The following FIGNL2 variants were observed in gnomAD, a reference collection of about 807,000 sequenced individuals.
FIGNL2 encodes the protein fidgetin like 2.
For missense variants in FIGNL2, 1,060 were observed against 950.2 expected, an observed-to-expected ratio of 1.12 and a Z score of -1.52; for synonymous variants, 565 against 484.0, an observed-to-expected ratio of 1.17 and a Z score of -2.20.
In FIGNL2 at chr12:51,821,628, C is replaced by T. The variant is rs1230446347; in HGVS notation, c.786G>A (p.Gly262=). The change falls in exon 2 of 2, where the codon GGG becomes GGA. Residue 262 remains glycine (G), a synonymous_variant. Coordinates refer to ENST00000618634, the MANE Select transcript of FIGNL2 (RefSeq NM_001384995.1). The part of the protein sequence containing the change: ...FPTAAPGAES[G]LSLKRKAADE... The stretch of plus-strand genomic sequence containing the variant: ...CGGCGGCCTTGCGCTTCAGCGACAG[C>T]CCGGATTCGGCACCCGGCGCGGCCG... 2.0e-6 allele frequency: 3 copies of T among 1,487,964 alleles called. No individual in the cohort carries two copies. Among genetic ancestry groups the T allele is most frequent in the South Asian group, 2.5e-5 (2 of 79,650 alleles). The allele number at this position is 1,487,964 out of a possible 1,614,324, so 92.2% of individuals were successfully genotyped here.
At position 51,822,230 on chromosome 12, in the gene FIGNL2, G is replaced by A. The variant is rs1333727809; in HGVS notation, c.184C>T (p.Arg62Cys). 5.0e-6 allele frequency: 8 copies of A among 1,611,376 alleles called. No individual in the cohort carries two copies. Among genetic ancestry groups the A allele is most frequent in the Non-Finnish European group, 6.8e-6 (8 of 1,178,836 alleles). ...SALTASNLLK[R>C]YAEKYSGVLD... ...ACCCCAGAGTACTTCTCTGCATAGC[G>A]CTTTAGGAGGTTGGAGGCAGTGAGG... Residue 62 changes from arginine (R) to cysteine (C), a missense_variant, in exon 2 of 2, where the codon CGC becomes TGC. Physicochemically the swap from Arg to Cys is radical, Grantham distance 180. Transcript: ENST00000618634.
At position 51,821,250 on chromosome 12, in the gene FIGNL2, CG is replaced by C. The variant is rs1376171096; in HGVS notation, c.1163del (p.Pro388ArgfsTer106). On this transcript the variant is annotated frameshift_variant, in exon 2 of 2. Transcript: ENST00000618634. LOFTEE classifies it low-confidence loss of function (END_TRUNC). ...GGCCCGCCACATCCGCCCACTGCAC[CG>C]GGGGCCCGCAGTCCACCATCTTGCT... is the stretch of plus-strand genomic sequence containing the variant. ...VTSKMVDCGP[P>X]VQWADVAGQG... 4.6e-6 allele frequency: 7 copies of C among 1,526,032 alleles called. No homozygotes were observed. The highest frequency in any genetic ancestry group is 2.5e-5 in the East Asian group (1 of 39,234). 94.5% of individuals were successfully genotyped at this position (1,526,032 alleles called of 1,614,324 possible).
At chr12:51,834,287 A>G (rs1381946797) in intron 1 of FIGNL2, among the ~76,000 whole-genome samples, 4 of 151,990 alleles carry the variant, frequency 2.6e-5, no homozygotes, top group African/African-American at 9.7e-5. Context: ...GGGAGTCCAG[A>G]AGGGGCATTT....
At chr12:51,839,647 ACAT>A (rs1939629377) in intron 1 of FIGNL2, among the ~76,000 whole-genome samples, 1 of 152,084 alleles carries the variant, frequency 6.6e-6, no homozygotes, top group African/African-American at 2.4e-5. Context: ...TCCTCCAGTC[ACAT>A]CAGCCCATTC....
chr12:51,821,047 AGGCGCAACAGCGTGGCGCCCAGCTGCGT>A lies in FIGNL2; in HGVS notation c.1339_1366del (p.Thr447CysfsTer38). 1 of 1,201,002 alleles carries A rather than the reference AGGCGCAACAGCGTGGCGCCCAGCTGCGT, an allele frequency of 8.3e-7. No homozygotes were observed. Among genetic ancestry groups the A allele is most frequent in the Non-Finnish European group, 1.0e-6 (1 of 969,996 alleles). The allele number at this position is 1,201,002 out of a possible 1,614,324, so 74.4% of individuals were successfully genotyped here. On this transcript the variant is annotated frameshift_variant, in exon 2 of 2. Coordinates refer to ENST00000618634, the MANE Select transcript of FIGNL2 (RefSeq NM_001384995.1). LOFTEE classifies it low-confidence loss of function (END_TRUNC). ...GGGCGCAGCCAGGGTCGCGCCGCGC[AGGCGCAACAGCGTGGCGCCCAGCTGCGT>A]GGCGAGGCAGCGGCCCAGCAGCGCT...
rs369718908 is a variant in FIGNL2, at chr12:51,820,728, G to A, written c.1686C>T (p.Ala562=). ...GCGCCCGCTGCAGGATCTGCCCGCG[G>A]GCCGGGCTGTCGGGCAGCGCCACGT... ...RFYVALPDSP[A]RGQILQRALA... The change falls in exon 2 of 2, where the codon GCC becomes GCT. Residue 562 remains alanine, a synonymous_variant. Transcript: ENST00000618634. 1.9e-3 allele frequency: 2,826 copies of A among 1,482,014 alleles called. 29 individuals are homozygous for A. The African/African-American group carries it at 0.026, about 14-fold the overall frequency. The allele number at this position is 1,482,014 out of a possible 1,614,324, so 91.8% of individuals were successfully genotyped here. A position where few individuals can be genotyped will look rare whatever the true frequency, so the allele number is the denominator to read the frequency against.
Position 51,825,045 on chromosome 12 carries a change from AAAAC to A in FIGNL2, c.-11-2625_-11-2622del, listed in dbSNP as rs373687245. 6.9e-4 allele frequency among the ~76,000 whole-genome samples: 105 copies of A among 152,198 alleles called. No homozygotes were observed. In the Middle Eastern group the frequency reaches 0.01, roughly 15 times the overall value. On this transcript the variant is annotated intron_variant, in intron 1 of 1. Coordinates refer to ENST00000618634, the MANE Select transcript of FIGNL2 (RefSeq NM_001384995.1). ...GGCGACAAGAGTGAGACTCCATCTC[AAAAC>A]AAACAAACAAACAAAAGTTACACAA...
At position 51,821,652 on chromosome 12, in the gene FIGNL2, C is replaced by A. The variant is rs750861562; in HGVS notation, c.762G>T (p.Thr254=). 6.8e-7 allele frequency: 1 copy of A among 1,461,782 alleles called. No individual in the cohort carries two copies. Among genetic ancestry groups the A allele is most frequent in the South Asian group, 1.3e-5 (1 of 75,264 alleles). The allele number at this position is 1,461,782 out of a possible 1,614,324, so 90.6% of individuals were successfully genotyped here. A position where few individuals can be genotyped will look rare whatever the true frequency, so the allele number is the denominator to read the frequency against. ...PAPPTAYGFP[T]AAPGAESGLS... is the part of the protein sequence containing the mutation. Reference sequence around the variant, plus strand: ...GCCCGGATTCGGCACCCGGCGCGGCCGTGGGGAAGCCATAGGCGGTGGGCG... The same window carrying A: ...GCCCGGATTCGGCACCCGGCGCGGCAGTGGGGAAGCCATAGGCGGTGGGCG... Residue 254 remains threonine, a synonymous_variant, in exon 2 of 2, where the codon ACG becomes ACT. Transcript: ENST00000618634.
chr12:51,821,088 G>A lies in FIGNL2; in HGVS notation c.1326C>T (p.Gly442=), dbSNP rs149913232. ...CGCCCAGCTGCGTGGCGAGGCAGCG[G>A]CCCAGCAGCGCTTTGCCCGCGCCCC... is the stretch of plus-strand genomic sequence containing the variant. The part of the protein sequence containing the change: ...GPRGAGKALL[G]RCLATQLGAT... Residue 442 remains glycine (G), a synonymous_variant, in exon 2 of 2, where the codon GGC becomes GGT. Coordinates refer to ENST00000618634, the MANE Select transcript of FIGNL2 (RefSeq NM_001384995.1). 1.5e-3 allele frequency: 2,074 copies of A among 1,350,450 alleles called. 13 individuals carry two copies. The African/African-American group carries it at 0.02, about 13-fold the overall frequency. 83.7% of individuals were successfully genotyped at this position (1,350,450 alleles called of 1,614,324 possible). A position where few individuals can be genotyped will look rare whatever the true frequency, so the allele number is the denominator to read the frequency against.
At chr12:51,827,276 A>G (rs1486694543) in intron 1 of FIGNL2, among the ~76,000 whole-genome samples, 1 of 152,232 alleles carries the variant, frequency 6.6e-6, no homozygotes, top group Non-Finnish European at 1.5e-5. Flanking sequence ...ACATGGGGGA[A>G]AGTATAGGCT....
At chr12:51,848,438 T>G in intron 1 of FIGNL2, 102 bp downstream of exon 1, 1 of 976,804 alleles carries the variant, frequency 1.0e-6, no homozygotes, top group South Asian at 4.8e-5. Flanking sequence ...GCCCCCGCCC[T>G]CTCGGCCCTC....
chr12:51,846,956 T>TCACCCGTCCAGCCCAGC (rs1351888725), intron 1 of FIGNL2: 1 of 972,370 alleles, frequency 1.0e-6, no homozygotes, highest in East Asian at 1.1e-4. Context: ...ACGAGGCCTG[T>TCACCCGTCCAGCCCAGC]CACCCGTCCA....
At chr12:51,830,493 G>GTTTT (rs1279826960) in intron 1 of FIGNL2, among the ~76,000 whole-genome samples, 1 of 83,112 alleles carries the variant, frequency 1.2e-5, no homozygotes, top group Non-Finnish European at 2.8e-5. Flanking sequence ...ATATTGAGTT[G>GTTTT]TTTTTTTTTT....
At chr12:51,843,971 C>T (rs1190259635) in intron 1 of FIGNL2, among the ~76,000 whole-genome samples, 2 of 152,014 alleles carry the variant, frequency 1.3e-5, no homozygotes, top group Non-Finnish European at 2.9e-5. Flanking sequence ...CTTTCACACA[C>T]ACATGCCCTT....
Position 51,821,523 on chromosome 12 carries a change from G to T in FIGNL2, c.891C>A (p.Pro297=), listed in dbSNP as rs758898012. 1.9e-6 allele frequency: 3 copies of T among 1,566,366 alleles called. No homozygotes were observed. Among genetic ancestry groups the T allele is most frequent in the East Asian group, 2.4e-5 (1 of 41,678 alleles). ...CCCGACATTCGCCGTTGTCCGCGGC[G>T]GGGTAGGAGGCTCCGTCAGCCACGG... ...KAPVADGASY[P]AADNGECRGN... is the part of the protein sequence containing the mutation. The change falls in exon 2 of 2, where the codon CCC becomes CCA. Residue 297 remains proline (P), a synonymous_variant. Coordinates refer to ENST00000618634, the MANE Select transcript of FIGNL2 (RefSeq NM_001384995.1).
chr12:51,822,359 G>C lies in FIGNL2; in HGVS notation c.55C>G (p.Leu19Val), dbSNP rs947484201. ...QPLNQWPEQH[L>V]DVSSTTPSPA... is the part of the protein sequence containing the mutation. ...GACGGGGTGGTGGAGGAGACGTCCA[G>C]GTGCTGCTCTGGCCACTGGTTGAGG... The change falls in exon 2 of 2, where the codon CTG (leucine) becomes GTG (valine). Residue 19 changes from leucine (L) to valine (V), a missense_variant. Physicochemically the swap from Leu to Val is conservative, Grantham distance 32. Transcript: ENST00000618634. The C allele has an allele frequency of 6.2e-7, 1 of 1,613,574 alleles. No individual in the cohort carries two copies. The highest frequency in any genetic ancestry group is 8.5e-7 in the Non-Finnish European group (1 of 1,179,830).
chr12:51,843,210 A>G (rs1365123118), intron 1 of FIGNL2, among the ~76,000 whole-genome samples: 1 of 152,190 alleles, frequency 6.6e-6, no homozygotes, highest in Non-Finnish European at 1.5e-5. Context: ...CTTGCACAGT[A>G]CTGGACACAG....
In FIGNL2 at chr12:51,821,799, A is replaced by G. The variant is rs1939209146; in HGVS notation, c.615T>C (p.Tyr205=). ...GCTGCGCTGCGTAGCCCCCTGCGGG[A>G]TAGTTGTACAGCGGCGCTGAGGGCC... The part of the protein sequence containing the change: ...GYGPSAPLYN[Y]PAGGYAAQPG... Residue 205 remains tyrosine (Y), a synonymous_variant, in exon 2 of 2, where the codon TAT becomes TAC. Transcript: ENST00000618634. The G allele has an allele frequency of 7.8e-7, 1 of 1,274,060 alleles. No individual in the cohort carries two copies. The highest frequency in any genetic ancestry group is 3.3e-5 in the East Asian group (1 of 30,478). The allele number at this position is 1,274,060 out of a possible 1,614,324, so 78.9% of individuals were successfully genotyped here.
rs1330450246 is a variant in FIGNL2, at chr12:51,821,431, A to G, written c.983T>C (p.Val328Ala). The G allele has an allele frequency of 2.0e-6, 3 of 1,536,770 alleles. No individual in the cohort carries two copies. Among genetic ancestry groups the G allele is most frequent in the Non-Finnish European group, 1.7e-6 (2 of 1,144,458 alleles). Reference protein sequence around the residue: ...EEASGKYGGGVPLKVLGSPVY... With the variant: ...EEASGKYGGGAPLKVLGSPVY... The stretch of plus-strand genomic sequence containing the variant: ...GGGGGAGCCCAGGACCTTGAGGGGG[A>G]CGCCGCCACCGTACTTGCCCGACGC... Residue 328 changes from valine to alanine, a missense_variant, in exon 2 of 2, where the codon GTC (valine) becomes GCC (alanine). Val to Ala is a moderately conservative substitution (Grantham distance 64, BLOSUM62 0). Transcript: ENST00000618634.
Sources: gnomAD v4.1 joint callset for allele counts (sites outside exome capture counted in the v4.1 genomes callset) on GRCh38, gnomAD v4.1.1 for gene constraint, MANE v1.5 for transcripts, NCBI Gene and HGNC (gene_info 2026-07-23, HGNC 2026-07-21) for gene names.